MAP3K7: variants seen among roughly 807,000 people sequenced by gnomAD.
MAP3K7 encodes the protein mitogen-activated protein kinase kinase kinase 7, also known as TGF-beta activated kinase 1.
In MAP3K7, 21 loss-of-function variants were observed where a neutral mutation model predicts 84.8. The ratio of observed to expected loss-of-function variants is 0.25; its 90% CI spans 0.18 to 0.36. MAP3K7 has a LOEUF of 0.36. MAP3K7 is among the 10% of genes least tolerant of loss of function. The probability of loss-of-function intolerance (pLI) is 1.00; values close to 1 mark genes in which losing one functional copy is unlikely to be tolerated. For missense variants in MAP3K7, 503 were observed against 747.7 expected, an observed-to-expected ratio of 0.67 and a Z score of 3.82; for synonymous variants, 241 against 247.7, an observed-to-expected ratio of 0.97 and a Z score of 0.25.
intron 14 of MAP3K7, among the ~76,000 whole-genome samples, chr6:90,523,394 T>A (rs1775216666): frequency 6.6e-6 from 1 of 151,872 alleles, no homozygotes; most frequent in African/African-American, 2.4e-5. Flanking sequence ...CAGGCTGAAG[T>A]ATCAAGAATT....
At chr6:90,543,934 T>G (rs927413009) in intron 12 of MAP3K7, among the ~76,000 whole-genome samples, 1 of 152,124 alleles carries the variant, frequency 6.6e-6, no homozygotes, top group Non-Finnish European at 1.5e-5. Flanking sequence ...TATAAAAACA[T>G]GTAATTTATG....
At position 90,514,588 on chromosome 6, in the gene MAP3K7, A is replaced by G. The variant is rs2127952139; in HGVS notation, c.*1913T>C. 6.6e-6 allele frequency: 1 copy of G among 152,174 alleles called. No homozygotes were observed. Among genetic ancestry groups the G allele is most frequent in the Non-Finnish European group, 1.5e-5 (1 of 67,962 alleles). 9.4% of individuals were successfully genotyped at this position (152,174 alleles called of 1,614,324 possible). Reference sequence around the variant, plus strand: ...TATAATACAGCAAAACACATCAATGACTATAAATAAAATCTGAAATCTCGA... The same window carrying G: ...TATAATACAGCAAAACACATCAATGGCTATAAATAAAATCTGAAATCTCGA... On this transcript the variant is annotated 3_prime_UTR_variant, in exon 17 of 17. Transcript: ENST00000369329.
chr6:90,567,466 C>A (rs936648317), intron 3 of MAP3K7, among the ~76,000 whole-genome samples: 2 of 152,200 alleles, frequency 1.3e-5, no homozygotes, highest in African/African-American at 4.8e-5. Flanking sequence ...TGAAAAAATG[C>A]TCATCATCAC....
chr6:90,517,983 G>A (rs1463003122), intron 16 of MAP3K7, among the ~76,000 whole-genome samples: 1 of 151,668 alleles, frequency 6.6e-6, no homozygotes, highest in African/African-American at 2.4e-5. Context: ...AAATTAGGCT[G>A]TGTTTCTTTA....
Position 90,550,649 on chromosome 6 carries a change from G to A in MAP3K7, c.868-100C>T, listed in dbSNP as rs186436345. ...CCTAAGTTATATACTAAATTTGTAG[G>A]TGCCTAAGTTTTTTATTTTACAAAG... On this transcript the variant is annotated intron_variant, in intron 8 of 16. Coordinates refer to ENST00000369329, the MANE Select transcript of MAP3K7 (RefSeq NM_145331.3). The A allele has an allele frequency of 1.5e-5, 10 of 676,924 alleles. No individual in the cohort carries two copies. In the East Asian group the frequency reaches 2.5e-4, roughly 17 times the overall value. The allele number at this position is 676,924 out of a possible 1,614,324, so 41.9% of individuals were successfully genotyped here.
chr6:90,569,540 G>A (rs1776831634), intron 2 of MAP3K7, among the ~76,000 whole-genome samples: 1 of 152,040 alleles, frequency 6.6e-6, no homozygotes, highest in Non-Finnish European at 1.5e-5. Flanking sequence ...CAGTGCAGTG[G>A]TACAATCTTG....
chr6:90,583,104 A>C (rs1453778593), intron 1 of MAP3K7, among the ~76,000 whole-genome samples: 4 of 151,950 alleles, frequency 2.6e-5, no homozygotes, highest in African/African-American at 7.3e-5. Context: ...GGTGGTCTTG[A>C]ACTCCTGGCT....
intron 11 of MAP3K7, among the ~76,000 whole-genome samples, chr6:90,546,208 T>C (rs1017050980): frequency 1.1e-4 from 17 of 152,136 alleles, no homozygotes; most frequent in African/African-American, 4.1e-4. Flanking sequence ...CATGATTAGT[T>C]GAAGACAAGT....
chr6:90,521,711 G>C (rs1775156909), intron 14 of MAP3K7, among the ~76,000 whole-genome samples: 1 of 151,926 alleles, frequency 6.6e-6, no homozygotes, highest in African/African-American at 2.4e-5. Flanking sequence ...AAATTCTTTA[G>C]TGAGTTTCCC....
At chr6:90,553,163 T>G (rs980988756) in intron 7 of MAP3K7, among the ~76,000 whole-genome samples, 2 of 152,168 alleles carry the variant, frequency 1.3e-5, no homozygotes, top group Admixed American at 1.3e-4. Flanking sequence ...AGCCTGATGC[T>G]TCTCCCTAAG....
chr6:90,576,835 G>A (rs997517863), intron 1 of MAP3K7, among the ~76,000 whole-genome samples: 6 of 152,160 alleles, frequency 3.9e-5, no homozygotes, highest in African/African-American at 1.4e-4. Context: ...TGTGGCTGGT[G>A]TATAGTGGAG....
chr6:90,568,545 G>GT lies in MAP3K7; in HGVS notation c.297+12dup. On this transcript the variant is annotated intron_variant, in intron 3 of 16. Coordinates refer to ENST00000369329, the MANE Select transcript of MAP3K7 (RefSeq NM_145331.3). ...ATTTCTCACAGGTGACCATGAAAAA[G>GT]TAACAAACTTACTGGATTCAAGCAG... is the stretch of plus-strand genomic sequence containing the variant. The GT allele has an allele frequency of 6.2e-7, 1 of 1,600,046 alleles. No individual in the cohort carries two copies. The highest frequency in any genetic ancestry group is 8.5e-7 in the Non-Finnish European group (1 of 1,175,188).
Position 90,544,575 on chromosome 6 carries a change from T to C in MAP3K7, c.1268A>G (p.Asp423Gly). 6.2e-7 allele frequency: 1 copy of C among 1,612,498 alleles called. No individual in the cohort carries two copies. Among genetic ancestry groups the C allele is most frequent in the Non-Finnish European group, 8.5e-7 (1 of 1,178,886 alleles). ...RKTASFGNIL[D>G]VPEIVISGNG... ...ACCTGATATGACGATCTCAGGGACA[T>C]CCAGAATGTTGCCAAATGAAGCAGT... The change falls in exon 12 of 17, where the codon GAT (aspartate) becomes GGT (glycine). Residue 423 changes from aspartate to glycine, a missense_variant. Asp to Gly is a moderately conservative substitution (Grantham distance 94, BLOSUM62 -1). Coordinates refer to ENST00000369329, the MANE Select transcript of MAP3K7 (RefSeq NM_145331.3).
intron 13 of MAP3K7, among the ~76,000 whole-genome samples, chr6:90,534,196 A>AGGAT (rs1195907702): frequency 6.6e-6 from 1 of 152,222 alleles, no homozygotes; most frequent in African/African-American, 2.4e-5. Context: ...GACTTCAAAA[A>AGGAT]GGATGGCACC....
At chr6:90,533,464 AG>A (rs544807153) in intron 13 of MAP3K7, among the ~76,000 whole-genome samples, 83 of 152,302 alleles carry the variant, frequency 5.4e-4, no homozygotes, top group Non-Finnish European at 9.0e-4. Flanking sequence ...GGAAACTCAA[AG>A]GAAGGAGGGG....
At chr6:90,576,695 T>A (rs1313636071) in intron 1 of MAP3K7, among the ~76,000 whole-genome samples, 1 of 152,186 alleles carries the variant, frequency 6.6e-6, no homozygotes, top group East Asian at 1.9e-4. Flanking sequence ...AAAAGGAGTA[T>A]AATTGTGTGT....
chr6:90,560,171 G>A lies in MAP3K7; in HGVS notation c.387C>T (p.His129=), dbSNP rs368838835. ...AACACTGTAAACACCAACTCATTGC[G>A]TGGGCAGCAGTATAATATGGCAATG... The part of the protein sequence containing the change: ...AEPLPYYTAA[H]AMSWCLQCSQ... Residue 129 remains histidine (H), a synonymous_variant, in exon 5 of 17, where the codon CAC becomes CAT. Coordinates refer to ENST00000369329, the MANE Select transcript of MAP3K7 (RefSeq NM_145331.3). The A allele has an allele frequency of 5.6e-5, 91 of 1,614,082 alleles. 2 individuals are homozygous for A. The South Asian group carries it at 8.2e-4, about 15-fold the overall frequency.
rs752301948 is a variant in MAP3K7 at position 90,586,877 on chromosome 6, T to C, written c.7A>G (p.Thr3Ala). Reference sequence around the variant, plus strand: ...GAGGAGGAGGAGGCGGCAGAGGCTGTAGACATGATCCCTCGCGGCGCCCGG... The same window carrying C: ...GAGGAGGAGGAGGCGGCAGAGGCTGCAGACATGATCCCTCGCGGCGCCCGG... MS[T>A]ASAASSSSSS... Residue 3 changes from threonine to alanine, a missense_variant, in exon 1 of 17, where the codon ACA becomes GCA. This residue lies in a region of MAP3K7 where 41 missense variants were observed against 41.4 expected (regional missense o/e 0.99). Transcript: ENST00000369329. 1.6e-5 allele frequency: 25 copies of C among 1,607,306 alleles called. No individual in the cohort carries two copies. Among genetic ancestry groups the C allele is most frequent in the African/African-American group, 1.3e-4 (10 of 74,160 alleles).
chr6:90,521,257 CGTGTGTGT>C (rs59945419), intron 14 of MAP3K7, among the ~76,000 whole-genome samples: 1,829 of 148,410 alleles, frequency 0.012, 27 homozygotes, highest in African/African-American at 0.032. Flanking sequence ...AAGTTTTTTG[CGTGTGTGT>C]GTGTGTGTGT....
Sources: allele counts gnomAD v4.1 joint callset (sites outside exome capture counted in the v4.1 genomes callset), GRCh38; gene constraint gnomAD v4.1.1; regional missense constraint gnomAD v4.1.1; transcripts MANE v1.5; gene names NCBI Gene and HGNC (gene_info 2026-07-23, HGNC 2026-07-21).